Variants in PDIA3 observed in about 807,000 individuals in gnomAD.
PDIA3 encodes protein disulfide-isomerase A3.
PDIA3 carries 16 observed loss-of-function variants against 56.9 expected under a neutral mutation model. The observed-to-expected ratio is 0.28, with a 90% CI of 0.19 to 0.43. PDIA3 has a LOEUF of 0.43. Ranked by LOEUF, PDIA3 falls within the 20% of genes least tolerant of loss-of-function variation. PDIA3 has a pLI of 1.00. For synonymous variants in PDIA3, 192 were observed against 216.5 expected, an observed-to-expected ratio of 0.89 and a Z score of 0.99; for missense variants, 485 against 621.3, an observed-to-expected ratio of 0.78 and a Z score of 2.33.
chr15:43,750,156 T>C (rs1184141644), intron 1 of PDIA3, among the ~76,000 whole-genome samples: 5 of 144,718 alleles, frequency 3.5e-5, no homozygotes, highest in African/African-American at 1.3e-4. Context: ...AACCTCCGCC[T>C]CCCCTGTCTG....
chr15:43,748,767 T>TGTG (rs1567154273), intron 1 of PDIA3, among the ~76,000 whole-genome samples: 1 of 150,930 alleles, frequency 6.6e-6, no homozygotes. Context: ...GTGTGTGTGT[T>TGTG]TGTGTATTTT....
At chr15:43,768,464 C>A in intron 8 of PDIA3, 25 bp from the exon 9 acceptor site, 1 of 1,515,182 alleles carries the variant, frequency 6.6e-7, no homozygotes, top group Non-Finnish European at 9.2e-7. Context: ...GATTAACAAG[C>A]CTTACCCTTG....
intron 11 of PDIA3, 73 bp downstream of exon 11, chr15:43,770,402 A>G: frequency 3.6e-6 from 5 of 1,398,176 alleles, no homozygotes; most frequent in Non-Finnish European, 5.1e-6. Context: ...CCAGGAAATC[A>G]TTACTAGACA....
chr15:43,756,736 G>A lies in PDIA3; in HGVS notation c.334G>A (p.Ala112Thr), dbSNP rs776448973. The A allele has an allele frequency of 2.2e-5, 35 of 1,605,538 alleles. No individual in the cohort carries two copies. In the East Asian group the frequency reaches 7.4e-4, roughly 34 times the overall value. The change falls in exon 3 of 13, where the codon GCA becomes ACA. Residue 112 changes from alanine to threonine, a missense_variant. By Grantham distance (58) the Ala-to-Thr change is moderately conservative. Coordinates refer to ENST00000300289, the MANE Select transcript of PDIA3 (RefSeq NM_005313.5). ...GAAGATATTTAGAGATGGTGAAGAAGCAGGTGCTTATGATGGACCTAGGAC... is the reference window on the plus strand; with the variant it reads ...GAAGATATTTAGAGATGGTGAAGAAACAGGTGCTTATGATGGACCTAGGAC... Reference protein sequence around the residue: ...TLKIFRDGEEAGAYDGPRTAD... With the variant: ...TLKIFRDGEETGAYDGPRTAD...
chr15:43,770,391 AC>A, intron 11 of PDIA3, 62 bp downstream of exon 11: 1 of 1,449,108 alleles, frequency 6.9e-7, no homozygotes, highest in African/African-American at 1.4e-5. Context: ...GCTTGTAACC[AC>A]CAGGAAATCA....
At chr15:43,764,111 C>T (rs927825158) in intron 5 of PDIA3, among the ~76,000 whole-genome samples, 10 of 152,194 alleles carry the variant, frequency 6.6e-5, no homozygotes, top group African/African-American at 2.4e-4. Context: ...CCTAGTGTTC[C>T]ATTACTGGAA....
At position 43,766,716 on chromosome 15, in the gene PDIA3, T is replaced by C; in HGVS notation, c.846-12T>C. The C allele has an allele frequency of 6.2e-7, 1 of 1,613,116 alleles. No homozygotes were observed. The highest frequency in any genetic ancestry group is 8.5e-7 in the Non-Finnish European group (1 of 1,179,332). The stretch of plus-strand genomic sequence containing the variant: ...GTATAGTCTTGGCACAAATGTCTCT[T>C]GTTTCCCACAGGGTAATGATGGTGG... On this transcript the variant is annotated splice_polypyrimidine_tract_variant and intron_variant, in intron 7 of 12. Coordinates refer to ENST00000300289, the MANE Select transcript of PDIA3 (RefSeq NM_005313.5).
intron 4 of PDIA3, 110 bp downstream of exon 4, chr15:43,761,641 T>TTGAGA (rs2141652451): frequency 1.6e-6 from 1 of 612,316 alleles, no homozygotes; most frequent in East Asian, 2.7e-5. Context: ...CTTGGGGCAG[T>TTGAGA]TGAGAAGGCA....
intron 10 of PDIA3, 22 bp from the exon 11 acceptor site, chr15:43,770,228 A>T: frequency 6.3e-7 from 1 of 1,596,144 alleles, no homozygotes; most frequent in Non-Finnish European, 8.6e-7. Flanking sequence ...AAATGTAAAC[A>T]TTTAACCTGT....
At chr15:43,756,910 G>T in intron 3 of PDIA3, 144 bp downstream of exon 3, 1 of 551,762 alleles carries the variant, frequency 1.8e-6, no homozygotes, top group South Asian at 2.8e-5. Flanking sequence ...GGTAACAAAA[G>T]ACCTCTCTAA....
chr15:43,751,181 C>G (rs537984102), intron 1 of PDIA3, among the ~76,000 whole-genome samples: 11 of 151,874 alleles, frequency 7.2e-5, no homozygotes, highest in African/African-American at 2.4e-4. Flanking sequence ...ACTTGTAATC[C>G]CCACCCCGAG....
intron 4 of PDIA3, 25 bp downstream of exon 4, chr15:43,761,556 C>A: frequency 1.7e-6 from 2 of 1,195,710 alleles, no homozygotes; most frequent in Non-Finnish European, 2.5e-6. Flanking sequence ...TTAAACCGTG[C>A]CACAGAATTG....
chr15:43,760,753 G>T (rs190710439), intron 3 of PDIA3, among the ~76,000 whole-genome samples: 94 of 151,130 alleles, frequency 6.2e-4, no homozygotes, highest in African/African-American at 2.2e-3. Flanking sequence ...GGATGGTCTC[G>T]ATCTCCTGAC....
intron 1 of PDIA3, among the ~76,000 whole-genome samples, chr15:43,749,702 A>G (rs2086731177): frequency 6.6e-6 from 1 of 152,098 alleles, no homozygotes; most frequent in Admixed American, 6.6e-5. Flanking sequence ...CTGAGTTGGG[A>G]AAATCACTTG....
intron 9 of PDIA3, 102 bp from the exon 10 acceptor site, chr15:43,769,416 G>A: frequency 9.1e-7 from 1 of 1,101,272 alleles, no homozygotes; most frequent in Non-Finnish European, 1.3e-6. Flanking sequence ...CTTATTTTCT[G>A]TGGTAACACA....
chr15:43,765,488 A>T lies in PDIA3; in HGVS notation c.641A>T (p.Lys214Met), dbSNP rs1036273833. 1.9e-6 allele frequency: 3 copies of T among 1,612,830 alleles called. No homozygotes were observed. The Admixed American group carries it at 5.0e-5, about 27-fold the overall frequency. Residue 214 changes from lysine (K) to methionine (M), a missense_variant, in exon 6 of 13, where the codon AAG (lysine) becomes ATG (methionine). By Grantham distance (95) the Lys-to-Met change is moderately conservative. Transcript: ENST00000300289. ...TTTCGTCCTTCACATCTCACTAACA[A>T]GTTTGAGGACAAGACTGTGGCATAT... ...ILFRPSHLTN[K>M]FEDKTVAYTE...
intron 1 of PDIA3, among the ~76,000 whole-genome samples, chr15:43,748,200 G>T (rs928895965): frequency 6.6e-6 from 1 of 152,162 alleles, no homozygotes; most frequent in South Asian, 2.1e-4. Flanking sequence ...TTTTGGGGCT[G>T]GGCATGGTGG....
At chr15:43,750,452 GA>G (rs1047526974) in intron 1 of PDIA3, among the ~76,000 whole-genome samples, 2 of 151,554 alleles carry the variant, frequency 1.3e-5, no homozygotes, top group African/African-American at 4.8e-5. Flanking sequence ...GGAAATGTCC[GA>G]AAATTTATTG....
At chr15:43,767,663 G>A (rs546387639) in intron 8 of PDIA3, among the ~76,000 whole-genome samples, 1 of 151,428 alleles carries the variant, frequency 6.6e-6, no homozygotes, top group East Asian at 2.0e-4. Context: ...CCAGCTACTG[G>A]GGAGGCTGAG....
Sources: gnomAD v4.1 joint callset for allele counts (sites outside exome capture counted in the v4.1 genomes callset) on GRCh38, gnomAD v4.1.1 for gene constraint, MANE v1.5 for transcripts, NCBI Gene and HGNC (gene_info 2026-07-23, HGNC 2026-07-21) for gene names.